PDZRN3: variants seen among roughly 807,000 people sequenced by gnomAD.
PDZRN3 encodes E3 ubiquitin-protein ligase PDZRN3.
PDZRN3 carries 38 observed loss-of-function variants against 85.7 expected under a neutral mutation model. The ratio of observed to expected loss-of-function variants is 0.44; its 90% CI spans 0.34 to 0.58. PDZRN3 has a LOEUF of 0.58. Among genes scored for constraint, PDZRN3 ranks in the 20% least tolerant of loss-of-function variants. The pLI is 0.01. For synonymous variants in PDZRN3, 759 were observed against 638.0 expected (o/e 1.19, Z -2.86); for missense variants, 1,629 against 1,506.4 (o/e 1.08, Z -1.35).
chr3:73,444,955 A>C (rs575215040), intron 3 of PDZRN3, among the ~76,000 whole-genome samples: 486 of 152,318 alleles, frequency 3.2e-3, no homozygotes, highest in Non-Finnish European at 4.7e-3. Flanking sequence ...AGGTGAGTCC[A>C]CATGAATGGC....
At chr3:73,474,126 C>T (rs1703402199) in intron 3 of PDZRN3, among the ~76,000 whole-genome samples, 1 of 152,174 alleles carries the variant, frequency 6.6e-6, no homozygotes, top group South Asian at 2.1e-4. Context: ...CCTTTACACA[C>T]CTAGTATCTT....
At chr3:73,463,144 AGCCATGGCCAAATTCCT>A (rs1703142663) in intron 3 of PDZRN3, among the ~76,000 whole-genome samples, 2 of 152,138 alleles carry the variant, frequency 1.3e-5, no homozygotes, top group Non-Finnish European at 2.9e-5. Flanking sequence ...TTGTTGGGCG[AGCCATGGCCAAATTCCT>A]GCTTTCCCAG....
intron 3 of PDZRN3, among the ~76,000 whole-genome samples, chr3:73,439,276 G>A (rs1275766397): frequency 1.3e-5 from 2 of 152,186 alleles, no homozygotes; most frequent in South Asian, 2.1e-4. Flanking sequence ...CTGGGCTTTG[G>A]GAGTACAGTA....
intron 3 of PDZRN3, among the ~76,000 whole-genome samples, chr3:73,539,300 G>A (rs1183941972): frequency 1.3e-5 from 2 of 152,204 alleles, no homozygotes; most frequent in African/African-American, 4.8e-5. Context: ...TTTCAATCAA[G>A]GGATGTTTTG....
intron 3 of PDZRN3, among the ~76,000 whole-genome samples, chr3:73,422,625 G>C (rs1367004608): frequency 6.6e-6 from 1 of 152,218 alleles, no homozygotes; most frequent in East Asian, 1.9e-4. Context: ...GAGTAGAGTT[G>C]GTTCTGAGAC....
chr3:73,483,899 C>A (rs1434844654), intron 3 of PDZRN3, among the ~76,000 whole-genome samples: 1 of 152,132 alleles, frequency 6.6e-6, no homozygotes, highest in African/African-American at 2.4e-5. Flanking sequence ...GAACCATATT[C>A]TTTACTGGGA....
chr3:73,454,094 C>T lies in PDZRN3; in HGVS notation c.919-49699G>A, dbSNP rs373392389. ...CAGATCACAGCAAGCTATTCCAGCACAAGATTCCTCATTTTAAGACCAGCT... is the reference window on the plus strand; with the variant it reads ...CAGATCACAGCAAGCTATTCCAGCATAAGATTCCTCATTTTAAGACCAGCT... On this transcript the variant is annotated intron_variant, in intron 3 of 9. Transcript: ENST00000263666. Among the ~76,000 whole-genome samples, 3 of 152,162 alleles carry T rather than the reference C, an allele frequency of 2.0e-5. No individual in the cohort carries two copies. In the East Asian group the frequency reaches 5.8e-4, roughly 29 times the overall value.
chr3:73,585,715 G>A (rs1013344206), intron 3 of PDZRN3, among the ~76,000 whole-genome samples: 3 of 152,134 alleles, frequency 2.0e-5, no homozygotes, highest in African/African-American at 7.2e-5. Flanking sequence ...TCGAAGAAAT[G>A]GCACACTCAA....
intron 3 of PDZRN3, chr3:73,569,606 A>C (rs529721188): frequency 9.9e-7 from 1 of 1,011,590 alleles, no homozygotes; most frequent in African/African-American, 1.7e-5. Flanking sequence ...GCCCTGTGCC[A>C]AACCTCAGCC....
At chr3:73,601,041 A>T (rs1283400483) in intron 3 of PDZRN3, among the ~76,000 whole-genome samples, 2 of 152,216 alleles carry the variant, frequency 1.3e-5, no homozygotes, top group African/African-American at 2.4e-5. Flanking sequence ...CATGTAAGTT[A>T]GCACATCACA....
intron 3 of PDZRN3, among the ~76,000 whole-genome samples, chr3:73,407,555 GT>G (rs1488038061): frequency 1.3e-5 from 2 of 152,172 alleles, no homozygotes; most frequent in Admixed American, 1.3e-4. Flanking sequence ...AGGCACAAAT[GT>G]TTTCTCATTC....
intron 5 of PDZRN3, among the ~76,000 whole-genome samples, chr3:73,396,146 C>G (rs1701631157): frequency 6.6e-6 from 1 of 152,112 alleles, no homozygotes; most frequent in South Asian, 2.1e-4. Context: ...TTGCTTGAAC[C>G]TAGGCGGCTG....
At chr3:73,561,706 C>T (rs1454277824) in intron 3 of PDZRN3, 4 of 152,304 alleles carry the variant, frequency 2.6e-5, no homozygotes, top group Admixed American at 6.5e-5. Context: ...CGTGCATCTT[C>T]GCATGCGGAT....
chr3:73,574,136 G>A (rs371188587), intron 3 of PDZRN3, among the ~76,000 whole-genome samples: 3 of 152,188 alleles, frequency 2.0e-5, no homozygotes, highest in African/African-American at 7.2e-5. Context: ...GGATTAATGA[G>A]GGGGCTCTCG....
intron 3 of PDZRN3, among the ~76,000 whole-genome samples, chr3:73,596,918 G>A (rs1702437818): frequency 6.6e-6 from 1 of 152,138 alleles, no homozygotes; most frequent in Non-Finnish European, 1.5e-5. Flanking sequence ...TGTTACATAT[G>A]AGAATGTCTT....
At chr3:73,568,798 G>A (rs1453885341) in intron 3 of PDZRN3, among the ~76,000 whole-genome samples, 1 of 152,184 alleles carries the variant, frequency 6.6e-6, no homozygotes, top group Non-Finnish European at 1.5e-5. Flanking sequence ...CACAGCACTA[G>A]GAGGAAAGTC....
In PDZRN3 at chr3:73,531,614, C is replaced by T. The variant is rs567937505; in HGVS notation, c.918+70740G>A. On this transcript the variant is annotated intron_variant, in intron 3 of 9. Transcript: ENST00000263666. Reference sequence around the variant, plus strand: ...TTCTCAATCAAAGAGACAGGCTCCTCAGAAGGAGGCATCTCTCCTTCAGTC... The same window carrying T: ...TTCTCAATCAAAGAGACAGGCTCCTTAGAAGGAGGCATCTCTCCTTCAGTC... 1.0e-3 allele frequency among the ~76,000 whole-genome samples: 157 copies of T among 152,308 alleles called. 1 individual carries two copies. The highest frequency in any genetic ancestry group is 3.3e-3 in the African/African-American group (137 of 41,572).
At chr3:73,422,740 T>A (rs1702229683) in intron 3 of PDZRN3, among the ~76,000 whole-genome samples, 1 of 152,208 alleles carries the variant, frequency 6.6e-6, no homozygotes, top group Admixed American at 6.5e-5. Flanking sequence ...CACTACTTCC[T>A]GTTCCAATCC....
At chr3:73,452,754 A>C (rs775118332) in intron 3 of PDZRN3, among the ~76,000 whole-genome samples, 1 of 151,984 alleles carries the variant, frequency 6.6e-6, no homozygotes, top group Non-Finnish European at 1.5e-5. Flanking sequence ...CCATGCTAAC[A>C]CTTCGCTCAG....
Sources: gnomAD v4.1 joint callset for allele counts (sites outside exome capture counted in the v4.1 genomes callset) on GRCh38, gnomAD v4.1.1 for gene constraint, MANE v1.5 for transcripts, NCBI Gene and HGNC (gene_info 2026-07-23, HGNC 2026-07-21) for gene names.